ZMYM2: variants seen among roughly 807,000 people sequenced by gnomAD.
The protein encoded by ZMYM2 is zinc finger MYM-type containing 2, also known as zinc finger MYM-type protein 2.
In ZMYM2, 56 loss-of-function variants were observed where a neutral mutation model predicts 162.8. The observed-to-expected ratio is 0.34, with a 90% CI of 0.28 to 0.43. The LOEUF is 0.43. Ranked by LOEUF, ZMYM2 falls within the 20% of genes least tolerant of loss-of-function variation. The pLI, the probability that ZMYM2 is intolerant of heterozygous loss-of-function variation, is 1.00. For missense variants in ZMYM2, 1,275 were observed against 1,621.8 expected (o/e 0.79, Z 3.67); for synonymous variants, 510 against 541.6 (o/e 0.94, Z 0.81).
At chr13:19,878,873 A>G in the ZMYM2 span, among the ~76,000 whole-genome samples, 1 of 152,106 alleles carries the variant, frequency 6.6e-6, no homozygotes, top group Non-Finnish European at 1.5e-5. Flanking sequence ...GGAGTTATAT[A>G]TATAGACTGG....
chr13:19,897,194 T>C, the ZMYM2 span, among the ~76,000 whole-genome samples: 2 of 151,524 alleles, frequency 1.3e-5, no homozygotes, highest in Non-Finnish European at 2.9e-5. Flanking sequence ...GAAGTAGGAA[T>C]GGGAAGAAAT....
At chr13:19,923,607 C>T in the ZMYM2 span, among the ~76,000 whole-genome samples, 1 of 149,632 alleles carries the variant, frequency 6.7e-6, no homozygotes, top group Non-Finnish European at 1.5e-5. Context: ...GATCCTTACA[C>T]CCCAACTTCC....
At chr13:20,003,205 A>G in intron 4 of ZMYM2, 70 bp downstream of exon 4, 2 of 1,495,290 alleles carry the variant, frequency 1.3e-6, no homozygotes, top group African/African-American at 1.4e-5. Context: ...AGAAAAGTGA[A>G]ACAGATTTGT....
the ZMYM2 span, among the ~76,000 whole-genome samples, chr13:19,910,385 A>G: frequency 6.6e-6 from 1 of 152,130 alleles, no homozygotes; most frequent in Non-Finnish European, 1.5e-5. Flanking sequence ...ACAGTAAATG[A>G]ACTTGAAATG....
At chr13:20,041,668 T>A (rs1047896141) in intron 12 of ZMYM2, among the ~76,000 whole-genome samples, 5 of 152,160 alleles carry the variant, frequency 3.3e-5, no homozygotes, top group Non-Finnish European at 5.9e-5. Flanking sequence ...TTAAGTGTGT[T>A]TTTGTAGTGG....
At chr13:20,078,225 C>T (rs1957651288) in intron 21 of ZMYM2, among the ~76,000 whole-genome samples, 1 of 151,994 alleles carries the variant, frequency 6.6e-6, no homozygotes, top group South Asian at 2.1e-4. Flanking sequence ...TGCAGAACTA[C>T]TGATTGATAG....
At chr13:19,879,104 A>G in the ZMYM2 span, among the ~76,000 whole-genome samples, 1 of 152,144 alleles carries the variant, frequency 6.6e-6, no homozygotes, top group East Asian at 1.9e-4. Flanking sequence ...TTTTCTTCTA[A>G]GAGTTTTATA....
At chr13:20,035,710 T>C (rs1312915513) in intron 11 of ZMYM2, among the ~76,000 whole-genome samples, 1 of 152,184 alleles carries the variant, frequency 6.6e-6, no homozygotes, top group Non-Finnish European at 1.5e-5. Context: ...GGTAATAGCA[T>C]GTTGAAAAAG....
chr13:20,045,995 A>G (rs1024897161), intron 12 of ZMYM2, among the ~76,000 whole-genome samples: 1 of 151,734 alleles, frequency 6.6e-6, no homozygotes, highest in Admixed American at 6.6e-5. Flanking sequence ...TAATCCCAGC[A>G]CTTTGGGAGT....
intron 2 of ZMYM2, chr13:19,965,292 A>G (rs1268862334): frequency 2.3e-6 from 3 of 1,292,728 alleles, no homozygotes; most frequent in Admixed American, 2.4e-5. Flanking sequence ...GTAAGAATTG[A>G]CAACTAAATT....
At chr13:19,898,769 A>T in the ZMYM2 span, among the ~76,000 whole-genome samples, 9 of 112,402 alleles carry the variant, frequency 8.0e-5, no homozygotes, top group Admixed American at 3.2e-4. Context: ...CTACAAAAAT[A>T]AAAAAAAATT....
At chr13:20,038,778 T>C (rs1953967657) in intron 12 of ZMYM2, among the ~76,000 whole-genome samples, 1 of 151,778 alleles carries the variant, frequency 6.6e-6, no homozygotes, top group African/African-American at 2.4e-5. Context: ...TTTGGTTCCA[T>C]AGGATTTTAA....
intron 21 of ZMYM2, chr13:20,070,383 A>G: frequency 5.4e-6 from 1 of 186,804 alleles, no homozygotes. Context: ...TGTATGTTTG[A>G]ATTGTGGCAA....
intron 6 of ZMYM2, among the ~76,000 whole-genome samples, chr13:20,008,553 C>T (rs989834999): frequency 6.6e-5 from 10 of 152,244 alleles, no homozygotes; most frequent in Non-Finnish European, 1.0e-4. Flanking sequence ...GAATGTATCT[C>T]TCAAGGATAA....
intron 7 of ZMYM2, chr13:20,019,875 A>C: frequency 2.5e-6 from 1 of 403,032 alleles, no homozygotes; most frequent in South Asian, 3.0e-5. Flanking sequence ...AGATTTTTTT[A>C]GTGCACAATA....
In ZMYM2 at chr13:20,026,645, C is replaced by T. The variant is rs1309291116; in HGVS notation, c.1618C>T (p.Arg540Ter). The change falls in exon 8 of 25, where the codon CGA becomes TGA. Residue 540 changes from arginine (R) to a stop codon, truncating the protein, a stop_gained. Transcript: ENST00000610343. LOFTEE classifies it high-confidence loss of function. ...YGKLTTCTGC[R>*]TQCRFFDMTQ... Reference sequence around the variant, plus strand: ...AAAACTGACAACTTGTACTGGTTGCCGAACACAGTGCAGGTTTTTTGATAT... The same window carrying T: ...AAAACTGACAACTTGTACTGGTTGCTGAACACAGTGCAGGTTTTTTGATAT... The T allele has an allele frequency of 1.9e-6, 3 of 1,606,894 alleles. No individual in the cohort carries two copies. Among genetic ancestry groups the T allele is most frequent in the African/African-American group, 1.3e-5 (1 of 74,448 alleles).
chr13:20,075,743 G>T (rs965725030), intron 21 of ZMYM2, among the ~76,000 whole-genome samples: 2 of 128,490 alleles, frequency 1.6e-5, no homozygotes, highest in Admixed American at 1.0e-4. Context: ...GTGCAGTGGC[G>T]CCATCTCGGC....
intron 3 of ZMYM2, among the ~76,000 whole-genome samples, chr13:19,996,702 C>G (rs142160439): frequency 0.012 from 1,800 of 151,988 alleles, 46 homozygotes; most frequent in African/African-American, 0.041. Context: ...GGGCGACAGA[C>G]TGAGACTCTG....
chr13:20,064,406 C>CTT (rs1169588287), intron 18 of ZMYM2, 45 bp from the exon 19 acceptor site: 1 of 1,504,858 alleles, frequency 6.6e-7, no homozygotes, highest in Non-Finnish European at 9.0e-7. Flanking sequence ...TTTATGTAAC[C>CTT]CTGTGCTATT....
Sources: gnomAD v4.1 joint callset for allele counts (sites outside exome capture counted in the v4.1 genomes callset) on GRCh38, gnomAD v4.1.1 for gene constraint, MANE v1.5 for transcripts, NCBI Gene and HGNC (gene_info 2026-07-23, HGNC 2026-07-21) for gene names.